SCN4A: variants seen among roughly 807,000 people sequenced by gnomAD.
SCN4A encodes the protein sodium channel protein type 4 subunit alpha.
In SCN4A, 83 loss-of-function variants were observed where a neutral mutation model predicts 162.0. The observed-to-expected ratio is 0.51, with a 90% CI of 0.43 to 0.61. SCN4A has a LOEUF of 0.61. Among genes scored for constraint, SCN4A ranks in the 20% least tolerant of loss-of-function variants. The pLI is 0.00. For missense variants in SCN4A, 2,196 were observed against 2,462.5 expected, an observed-to-expected ratio of 0.89 and a Z score of 2.29; for synonymous variants, 944 against 985.1, an observed-to-expected ratio of 0.96 and a Z score of 0.78.
chr17:63,956,224 C>T (rs115419701), intron 13 of SCN4A, among the ~76,000 whole-genome samples: 2,455 of 152,302 alleles, frequency 0.016, 63 homozygotes, highest in African/African-American at 0.056. Context: ...TCTGCATTTT[C>T]CCAATATCTG....
Position 63,941,311 on chromosome 17 carries a change from G to C in SCN4A, c.4971C>G (p.Asn1657Lys), listed in dbSNP as rs1307196671. The C allele has an allele frequency of 6.2e-7, 1 of 1,613,940 alleles. No individual in the cohort carries two copies. The highest frequency in any genetic ancestry group is 1.7e-5 in the Admixed American group (1 of 60,016). Residue 1657 changes from asparagine to lysine, a missense_variant, in exon 24 of 24, where the codon AAC becomes AAG. By Grantham distance (94) the Asn-to-Lys change is moderately conservative (BLOSUM62 0). Coordinates refer to ENST00000435607, the MANE Select transcript of SCN4A (RefSeq NM_000334.4). This position sits in a 1 kb window ranked among gnomAD's most constrained non-coding sequence, Gnocchi z 6.2. Reference sequence around the variant, plus strand: ...AGTCCAGTGTGATGAGCTTGATCTTGTTGGGCTTGGCAATCCTCAGCGGTT... The same window carrying C: ...AGTCCAGTGTGATGAGCTTGATCTTCTTGGGCTTGGCAATCCTCAGCGGTT... ...LQEPLRIAKP[N>K]KIKLITLDLP... is the part of the protein sequence containing the mutation.
At position 63,940,401 on chromosome 17, in the gene SCN4A, C is replaced by G. The variant is rs1034403856; in HGVS notation, c.*370G>C. On this transcript the variant is annotated 3_prime_UTR_variant, in exon 24 of 24. Coordinates refer to ENST00000435607, the MANE Select transcript of SCN4A (RefSeq NM_000334.4). The stretch of plus-strand genomic sequence containing the variant: ...TTAAGACTCTGGTGATGGGGGGCAA[C>G]TGATCCCTCCACCGCAGGCCAGCTC... The G allele has an allele frequency of 9.0e-5, 20 of 223,384 alleles. No individual in the cohort carries two copies. Among genetic ancestry groups the G allele is most frequent in the African/African-American group, 4.1e-4 (18 of 43,734 alleles). 13.8% of individuals were successfully genotyped at this position (223,384 alleles called of 1,614,324 possible).
intron 12 of SCN4A, 39 bp from the exon 13 acceptor site, chr17:63,957,557 G>A (rs751066973): frequency 2.1e-6 from 3 of 1,449,588 alleles, no homozygotes; most frequent in South Asian, 1.2e-5. Context: ...GAGGCCCAGG[G>A]ACCACCACCC....
chr17:63,949,184 G>A lies in SCN4A; in HGVS notation c.2989+209C>T, dbSNP rs112083638. 5.9e-5 allele frequency among the ~76,000 whole-genome samples: 9 copies of A among 152,330 alleles called. No individual in the cohort carries two copies. In the East Asian group the frequency reaches 7.7e-4, roughly 13 times the overall value. ...GGAGCTGACACCCACACTCCTGCAC[G>A]TTGGCTCCAAGCTAGGTCTGCACCA... is the stretch of plus-strand genomic sequence containing the variant. On this transcript the variant is annotated intron_variant, in intron 15 of 23. Coordinates refer to ENST00000435607, the MANE Select transcript of SCN4A (RefSeq NM_000334.4).
At chr17:63,965,826 G>T (rs1286706454) in intron 8 of SCN4A, among the ~76,000 whole-genome samples, 1 of 152,244 alleles carries the variant, frequency 6.6e-6, no homozygotes, top group African/African-American at 2.4e-5. Context: ...TGGCTATCAT[G>T]AGGCCTAGGG....
intron 13 of SCN4A, among the ~76,000 whole-genome samples, chr17:63,956,730 G>A (rs1335460879): frequency 6.6e-6 from 1 of 152,242 alleles, no homozygotes; most frequent in Non-Finnish European, 1.5e-5. Context: ...TGACTAGAGA[G>A]CAGCAGTTAG....
rs1388937963 is a variant in SCN4A at position 63,961,440 on chromosome 17, G to C, written c.1607-9C>G. 1.9e-6 allele frequency: 3 copies of C among 1,599,286 alleles called. No individual in the cohort carries two copies. Among genetic ancestry groups the C allele is most frequent in the Admixed American group, 3.3e-5 (2 of 59,958 alleles). On this transcript the variant is annotated splice_polypyrimidine_tract_variant and intron_variant, in intron 10 of 23. Transcript: ENST00000435607. ...GTGGGCCTCTTCCAGTTCTGGGAGA[G>C]GGGTGGTAGCAGGTATCTGGTGAGG...
At chr17:63,960,242 G>T (rs892095779) in intron 11 of SCN4A, among the ~76,000 whole-genome samples, 5 of 152,240 alleles carry the variant, frequency 3.3e-5, no homozygotes, top group African/African-American at 1.2e-4. Flanking sequence ...CATAGTGTGG[G>T]CAGGGGGTGG....
At chr17:63,961,916 A>C (rs1284184411) in intron 10 of SCN4A, among the ~76,000 whole-genome samples, 2 of 106,076 alleles carry the variant, frequency 1.9e-5, no homozygotes, top group South Asian at 2.9e-4. Flanking sequence ...GCGCATCCTC[A>C]TGTCCGTCCC....
At chr17:63,970,461 G>C (rs1909578688) in intron 5 of SCN4A, among the ~76,000 whole-genome samples, 1 of 152,114 alleles carries the variant, frequency 6.6e-6, no homozygotes, top group South Asian at 2.1e-4. Context: ...TCAGGCTCCA[G>C]AATCTGTGCT....
intron 18 of SCN4A, 48 bp downstream of exon 18, chr17:63,946,997 G>C: frequency 6.6e-7 from 1 of 1,512,636 alleles, no homozygotes; most frequent in Non-Finnish European, 9.0e-7. Flanking sequence ...AGTGAAGGTG[G>C]CCGGTCCCCC....
chr17:63,968,051 A>G lies in SCN4A; in HGVS notation c.1008T>C (p.Phe336=), dbSNP rs2144809793. Residue 336 remains phenylalanine (F), a synonymous_variant, in exon 6 of 24, where the codon TTT becomes TTC. Coordinates refer to ENST00000435607, the MANE Select transcript of SCN4A (RefSeq NM_000334.4). ...CATCACTGATGTAGGCGTCCCAATCAAAGGTATCGTTGGTGGCCCAGCTTG... is the reference window on the plus strand; with the variant it reads ...CATCACTGATGTAGGCGTCCCAATCGAAGGTATCGTTGGTGGCCCAGCTTG... ...SHASWATNDT[F]DWDAYISDEG... is the part of the protein sequence containing the mutation. The G allele has an allele frequency of 6.2e-7, 1 of 1,613,858 alleles. No individual in the cohort carries two copies. The highest frequency in any genetic ancestry group is 8.5e-7 in the Non-Finnish European group (1 of 1,179,880).
rs4968677 is a variant in SCN4A at position 63,966,835 on chromosome 17, T to C, written c.1037-291A>G. 0.86 allele frequency among the ~76,000 whole-genome samples: 130,458 copies of C among 152,152 alleles called. 56,747 individuals carry two copies. The highest frequency in any genetic ancestry group is 1 in the East Asian group (5,182 of 5,186). ...GGAACGTGTACGTGTGTGCATGGGG[T>C]TATTGTGTACCTATGTAGGGCCCCT... On this transcript the variant is annotated intron_variant, in intron 6 of 23. Coordinates refer to ENST00000435607, the MANE Select transcript of SCN4A (RefSeq NM_000334.4).
Position 63,951,811 on chromosome 17 carries a change from C to T in SCN4A, c.2466G>A (p.Leu822=), listed in dbSNP as rs1306342843. Reference sequence around the variant, plus strand: ...ACTTGATGCGCCCGATGGCAATCTGCAGGTTGTTCATCTCGCCATCCTCAT... The same window carrying T: ...ACTTGATGCGCCCGATGGCAATCTGTAGGTTGTTCATCTCGCCATCCTCAT... ...ASDEDGEMNN[L]QIAIGRIKLG... is the part of the protein sequence containing the mutation. Residue 822 remains leucine (L), a synonymous_variant, in exon 14 of 24, where the codon CTG becomes CTA. Coordinates refer to ENST00000435607, the MANE Select transcript of SCN4A (RefSeq NM_000334.4). The surrounding 1 kb of genome is among the most constrained non-coding windows in gnomAD (Gnocchi z 4.5). 5 of 1,582,792 alleles carry T rather than the reference C, an allele frequency of 3.2e-6. No homozygotes were observed. The highest frequency in any genetic ancestry group is 4.3e-6 in the Non-Finnish European group (5 of 1,164,816).
Position 63,945,161 on chromosome 17 carries a change from G to A in SCN4A, c.3721-101C>T. 1 of 1,272,126 alleles carries A rather than the reference G, an allele frequency of 7.9e-7. No individual in the cohort carries two copies. The highest frequency in any genetic ancestry group is 1.1e-6 in the Non-Finnish European group (1 of 891,182). The allele number at this position is 1,272,126 out of a possible 1,614,324, so 78.8% of individuals were successfully genotyped here. On this transcript the variant is annotated intron_variant, in intron 19 of 23. Transcript: ENST00000435607. This position sits in a 1 kb window ranked among gnomAD's most constrained non-coding sequence, Gnocchi z 4.4. The stretch of plus-strand genomic sequence containing the variant: ...CCAACCTGGTCCTCCCCTGCCAGAG[G>A]CCGCCTGCCAGAGCCCCACTGGGCT...
At chr17:63,958,190 C>A (rs1213786939) in intron 12 of SCN4A, among the ~76,000 whole-genome samples, 1 of 151,692 alleles carries the variant, frequency 6.6e-6, no homozygotes, top group Non-Finnish European at 1.5e-5. Flanking sequence ...GGCAACATGG[C>A]GAAACCCTGA....
At chr17:63,956,082 G>A (rs932792651) in intron 13 of SCN4A, among the ~76,000 whole-genome samples, 9 of 152,220 alleles carry the variant, frequency 5.9e-5, no homozygotes, top group African/African-American at 1.4e-4. Flanking sequence ...GGCCCTAGCC[G>A]CAGAAATGCT....
At position 63,947,157 on chromosome 17, in the gene SCN4A, A is replaced by G; in HGVS notation, c.3329T>C (p.Ile1110Thr). The change falls in exon 18 of 24, where the codon ATC becomes ACC. Residue 1110 changes from isoleucine to threonine, a missense_variant. Physicochemically the swap from Ile to Thr is moderately conservative, Grantham distance 89. Coordinates refer to ENST00000435607, the MANE Select transcript of SCN4A (RefSeq NM_000334.4). ...LDFLIVDVSIISLVANWLGYS... is the reference protein window; with the variant it reads ...LDFLIVDVSITSLVANWLGYS... ...GCCCAGCCAGTTGGCCACCAAGCTG[A>G]TGATGGAGACCTGCAGGGGAGGGGT... 1 of 1,613,342 alleles carries G rather than the reference A, an allele frequency of 6.2e-7. No homozygotes were observed. Among genetic ancestry groups the G allele is most frequent in the Non-Finnish European group, 8.5e-7 (1 of 1,179,774 alleles).
chr17:63,970,733 A>C (rs1057207996), intron 5 of SCN4A, among the ~76,000 whole-genome samples: 25 of 151,900 alleles, frequency 1.6e-4, no homozygotes, highest in Non-Finnish European at 3.5e-4. Context: ...TCCCAGGTTC[A>C]AGTGATTCTC....
Sources: gnomAD v4.1 joint callset for allele counts (sites outside exome capture counted in the v4.1 genomes callset) on GRCh38, gnomAD v4.1.1 for gene constraint, Gnocchi (gnomAD v3.1) non-coding constraint, MANE v1.5 for transcripts, NCBI Gene and HGNC (gene_info 2026-07-23, HGNC 2026-07-21) for gene names.